LINGO2: variants seen among roughly 807,000 people sequenced by gnomAD.
The protein encoded by LINGO2 is leucine-rich repeat and immunoglobulin-like domain-containing nogo receptor-interacting protein 2.
In LINGO2, 14 loss-of-function variants were observed where a neutral mutation model predicts 30.6. That is an observed-to-expected ratio of 0.46 (90% CI 0.30 to 0.72). The LOEUF is 0.72. Ranked by LOEUF, LINGO2 falls within the 30% of genes least tolerant of loss-of-function variation. The probability of loss-of-function intolerance (pLI) is 0.07; values close to 1 mark genes in which losing one functional copy is unlikely to be tolerated. For missense variants in LINGO2, 729 were observed against 751.7 expected, an observed-to-expected ratio of 0.97 and a Z score of 0.35; for synonymous variants, 317 against 288.5, an observed-to-expected ratio of 1.10 and a Z score of -1.00.
At chr9:28,196,511 A>T (rs1430056364) in intron 4 of LINGO2, among the ~76,000 whole-genome samples, 5 of 151,910 alleles carry the variant, frequency 3.3e-5, no homozygotes, top group African/African-American at 4.8e-5. Flanking sequence ...ATGGAAACAA[A>T]AAGGTATAAT....
chr9:28,860,483 G>C, the LINGO2 span, among the ~76,000 whole-genome samples: 1 of 151,926 alleles, frequency 6.6e-6, no homozygotes, highest in Non-Finnish European at 1.5e-5. Flanking sequence ...CCTCCAGACA[G>C]CTGCCCCATC....
chr9:29,062,114 A>G, the LINGO2 span, among the ~76,000 whole-genome samples: 2 of 152,124 alleles, frequency 1.3e-5, no homozygotes, highest in Non-Finnish European at 2.9e-5. Context: ...CAAAACTACA[A>G]TAAGATACCA....
intron 1 of LINGO2, among the ~76,000 whole-genome samples, chr9:28,644,034 C>G (rs184925924): frequency 6.6e-6 from 1 of 152,064 alleles, no homozygotes; most frequent in Admixed American, 6.6e-5. Context: ...TAGGCAATAA[C>G]AAATGCTGAT....
the LINGO2 span, among the ~76,000 whole-genome samples, chr9:29,000,963 G>C: frequency 1.3e-5 from 2 of 151,904 alleles, no homozygotes; most frequent in Middle Eastern, 3.2e-3. Context: ...AATAATATCA[G>C]AATTTTTTAT....
At chr9:28,487,056 T>C (rs572224686) in intron 1 of LINGO2, among the ~76,000 whole-genome samples, 2 of 152,038 alleles carry the variant, frequency 1.3e-5, no homozygotes, top group South Asian at 4.2e-4. Context: ...GAGTAAACCA[T>C]AGAAAGAAAA....
chr9:29,150,256 C>T, the LINGO2 span, among the ~76,000 whole-genome samples: 3 of 152,100 alleles, frequency 2.0e-5, no homozygotes, highest in Non-Finnish European at 4.4e-5. Flanking sequence ...CGAAAGTACC[C>T]AGAAATGAAG....
At chr9:28,121,942 T>A (rs1827108002) in intron 4 of LINGO2, among the ~76,000 whole-genome samples, 1 of 152,200 alleles carries the variant, frequency 6.6e-6, no homozygotes. Context: ...TCCTAGGAAT[T>A]GAAAATTTCA....
chr9:28,656,911 C>A (rs1488433372), intron 1 of LINGO2, among the ~76,000 whole-genome samples: 1 of 152,010 alleles, frequency 6.6e-6, no homozygotes, highest in African/African-American at 2.4e-5. Flanking sequence ...ATCGTGCACA[C>A]TGAGGAAGAC....
chr9:28,561,227 A>C (rs190533221), intron 1 of LINGO2, among the ~76,000 whole-genome samples: 3 of 152,072 alleles, frequency 2.0e-5, no homozygotes, highest in Admixed American at 2.0e-4. Flanking sequence ...TAGAATGCCC[A>C]ACCACCCTAT....
rs1264909013 is a variant in LINGO2 at position 28,050,283 on chromosome 9, CTG to C, written c.-86-37880_-86-37879del. On this transcript the variant is annotated intron_variant, in intron 4 of 5. Coordinates refer to ENST00000379992, the Ensembl canonical transcript of LINGO2. ...AAAATGAGTAAGACATACTTCCTGT[CTG>C]TAAGGAACTCACATGCTGGTAGGGA... Among the ~76,000 whole-genome samples, 6 of 150,864 alleles carry C rather than the reference CTG, an allele frequency of 4.0e-5. No individual in the cohort carries two copies. The South Asian group carries it at 1.1e-3, about 27-fold the overall frequency.
At chr9:28,497,980 C>A (rs2135300691) in intron 1 of LINGO2, among the ~76,000 whole-genome samples, 1 of 152,308 alleles carries the variant, frequency 6.6e-6, no homozygotes, top group East Asian at 1.9e-4. Flanking sequence ...GGTAATACTG[C>A]TGAATAGCAA....
At chr9:28,590,297 T>A (rs1436488689) in intron 1 of LINGO2, among the ~76,000 whole-genome samples, 2 of 151,942 alleles carry the variant, frequency 1.3e-5, no homozygotes, top group Non-Finnish European at 2.9e-5. Flanking sequence ...AAGCCAAAAT[T>A]GACAAATGGG....
chr9:28,648,653 T>C (rs1444751752), intron 1 of LINGO2, among the ~76,000 whole-genome samples: 1 of 152,112 alleles, frequency 6.6e-6, no homozygotes, highest in Non-Finnish European at 1.5e-5. Flanking sequence ...GCAAAAACAA[T>C]TGTCCTCTTT....
intron 4 of LINGO2, among the ~76,000 whole-genome samples, chr9:28,284,094 T>C (rs1823422280): frequency 6.6e-6 from 1 of 152,102 alleles, no homozygotes; most frequent in Admixed American, 6.6e-5. Context: ...ATCAACTCCA[T>C]AGTCTACTGT....
chr9:28,381,790 C>T (rs57088648), intron 2 of LINGO2, among the ~76,000 whole-genome samples: 9 of 152,170 alleles, frequency 5.9e-5, no homozygotes, highest in African/African-American at 2.2e-4. Flanking sequence ...TCATTTATGT[C>T]GCACTTCTAA....
chr9:28,244,072 G>T (rs1821909095), intron 4 of LINGO2, among the ~76,000 whole-genome samples: 1 of 148,766 alleles, frequency 6.7e-6, no homozygotes, highest in South Asian at 2.1e-4. Context: ...CCACATAATT[G>T]GAAGTAAAAC....
At chr9:28,174,921 TGAGAGA>T (rs71502440) in intron 4 of LINGO2, among the ~76,000 whole-genome samples, 5 of 133,304 alleles carry the variant, frequency 3.8e-5, no homozygotes, top group Non-Finnish European at 6.5e-5. Context: ...TGTGTGTGTG[TGAGAGA>T]GAGAGAGAGA....
At position 28,078,461 on chromosome 9, in the gene LINGO2, G is replaced by A. The variant is rs75511614; in HGVS notation, c.-86-66056C>T. 7.7e-4 allele frequency among the ~76,000 whole-genome samples: 114 copies of A among 148,666 alleles called. 5 individuals carry two copies. In the East Asian group the frequency reaches 0.02, roughly 26 times the overall value. On this transcript the variant is annotated intron_variant, in intron 4 of 5. Transcript: ENST00000379992. ...AATAGACTATTTTTTTTTAGGATTTGTGAGCACATGGAAAAAGAATAGTGA... is the reference window on the plus strand; with the variant it reads ...AATAGACTATTTTTTTTTAGGATTTATGAGCACATGGAAAAAGAATAGTGA...
At chr9:28,514,606 A>T (rs965861403) in intron 1 of LINGO2, among the ~76,000 whole-genome samples, 1 of 152,204 alleles carries the variant, frequency 6.6e-6, no homozygotes, top group Non-Finnish European at 1.5e-5. Flanking sequence ...AGGATGAAAG[A>T]CGTGAAGAAG....
Sources: allele counts gnomAD v4.1 joint callset (sites outside exome capture counted in the v4.1 genomes callset), GRCh38; gene constraint gnomAD v4.1.1; transcripts MANE v1.5; gene names NCBI Gene and HGNC (gene_info 2026-07-23, HGNC 2026-07-21).